IL1RAPL2: variants seen among roughly 807,000 people sequenced by gnomAD.
IL1RAPL2 encodes the protein X-linked interleukin-1 receptor accessory protein-like 2.
In IL1RAPL2, 3 loss-of-function variants were observed where a neutral mutation model predicts 44.1. That is an observed-to-expected ratio of 0.07 (90% CI 0.03 to 0.18). IL1RAPL2 has a LOEUF of 0.18. Among genes scored for constraint, IL1RAPL2 ranks in the 10% least tolerant of loss-of-function variants. The pLI is 1.00. For missense variants in IL1RAPL2, 391 were observed against 496.4 expected, an observed-to-expected ratio of 0.79 and a Z score of 2.02; for synonymous variants, 181 against 178.8, an observed-to-expected ratio of 1.01 and a Z score of -0.10.
intron 4 of IL1RAPL2, among the ~76,000 whole-genome samples, chrX:105,249,647 C>T (rs1357463071): frequency 9.1e-6 from 1 of 110,358 alleles, no homozygotes; most frequent in Non-Finnish European, 1.9e-5. Context: ...AATAAAATAC[C>T]ATTGAGGTAC....
intron 2 of IL1RAPL2, among the ~76,000 whole-genome samples, chrX:104,903,879 T>G (rs768847489): frequency 8.9e-6 from 1 of 111,811 alleles, no homozygotes; most frequent in Admixed American, 9.5e-5. Context: ...ACACCCAGCC[T>G]AATATTGTTA....
chrX:105,386,865 A>G (rs2035479963), intron 5 of IL1RAPL2, among the ~76,000 whole-genome samples: 1 of 111,619 alleles, frequency 9.0e-6, no homozygotes, highest in African/African-American at 3.3e-5. Flanking sequence ...CCATTATTCT[A>G]TTATAGAATC....
intron 2 of IL1RAPL2, among the ~76,000 whole-genome samples, chrX:105,053,036 G>A (rs757425880): frequency 9.1e-6 from 1 of 110,481 alleles, no homozygotes; most frequent in East Asian, 2.9e-4. Context: ...AGTTGGAAAT[G>A]CAGAAATCAC....
At chrX:104,950,715 G>GT (rs36104046) in intron 2 of IL1RAPL2, among the ~76,000 whole-genome samples, 37,048 of 98,930 alleles carry the variant, frequency 0.37, 5,672 homozygotes, top group Non-Finnish European at 0.45. Context: ...TTTTGTTTTT[G>GT]TTTTTTTTTT....
intron 2 of IL1RAPL2, among the ~76,000 whole-genome samples, chrX:104,662,188 T>C (rs1054193962): frequency 1.8e-5 from 2 of 112,062 alleles, no homozygotes; most frequent in Non-Finnish European, 3.8e-5. Flanking sequence ...AACCTGCTTT[T>C]GGGTGGTGTA....
intron 2 of IL1RAPL2, among the ~76,000 whole-genome samples, chrX:105,048,541 CA>C (rs1277730373): frequency 1.8e-5 from 2 of 111,345 alleles, no homozygotes; most frequent in African/African-American, 6.5e-5. Flanking sequence ...GGATATTGCA[CA>C]TTTTTTTTCA....
At chrX:105,279,565 C>T (rs962620663) in intron 5 of IL1RAPL2, among the ~76,000 whole-genome samples, 9 of 111,295 alleles carry the variant, frequency 8.1e-5, no homozygotes, top group Non-Finnish European at 1.3e-4. Flanking sequence ...CTGCAACCTC[C>T]GCCTCCTGGG....
intron 2 of IL1RAPL2, among the ~76,000 whole-genome samples, chrX:105,143,703 T>C (rs933278484): frequency 8.9e-6 from 1 of 111,987 alleles, no homozygotes; most frequent in African/African-American, 3.3e-5. Context: ...GCTTCCAGCA[T>C]ATGGGCCTTC....
At chrX:105,227,535 C>G (rs1455228182) in intron 3 of IL1RAPL2, among the ~76,000 whole-genome samples, 5 of 112,072 alleles carry the variant, frequency 4.5e-5, no homozygotes, top group African/African-American at 1.6e-4. Context: ...CAAACTTCTT[C>G]TTATTAGCAT....
intron 2 of IL1RAPL2, among the ~76,000 whole-genome samples, chrX:105,066,071 ACT>A (rs2032134038): frequency 9.0e-6 from 1 of 110,918 alleles, no homozygotes. Context: ...AGGTGTGATG[ACT>A]CTGAATGGGA....
intron 7 of IL1RAPL2, among the ~76,000 whole-genome samples, chrX:105,723,618 T>C (rs1386299144): frequency 9.0e-6 from 1 of 111,457 alleles, no homozygotes; most frequent in Non-Finnish European, 1.9e-5. Context: ...CTTAAATGGG[T>C]AATTTAAAAA....
chrX:105,761,178 CA>C (rs1206941648), intron 10 of IL1RAPL2, among the ~76,000 whole-genome samples: 356 of 35,322 alleles, frequency 0.01, 2 homozygotes, highest in African/African-American at 0.033. Flanking sequence ...GACTCCGTCT[CA>C]AAAAAAAAAA....
intron 5 of IL1RAPL2, among the ~76,000 whole-genome samples, chrX:105,467,701 C>T (rs182809614): frequency 1.1e-3 from 128 of 111,574 alleles, no homozygotes; most frequent in African/African-American, 3.6e-3. Context: ...GCCTATGGAG[C>T]TCTAGACATA....
chrX:104,616,380 G>T (rs1443619020), intron 1 of IL1RAPL2, among the ~76,000 whole-genome samples: 1 of 112,157 alleles, frequency 8.9e-6, no homozygotes, highest in Non-Finnish European at 1.9e-5. Flanking sequence ...AATTAACTTT[G>T]GGAGAAGCTT....
Position 105,023,891 on chromosome X carries a change from ATTAT to A in IL1RAPL2, c.83-171581_83-171578del, listed in dbSNP as rs984550609. 1.2e-4 allele frequency among the ~76,000 whole-genome samples: 13 copies of A among 111,150 alleles called. No homozygotes were observed. In the Admixed American group the frequency reaches 1.3e-3, roughly 11 times the overall value. On this transcript the variant is annotated intron_variant, in intron 2 of 10. Coordinates refer to ENST00000372582, the MANE Select transcript of IL1RAPL2 (RefSeq NM_017416.2). ...TACTTGTTTATTTCAAAAGGGTGGT[ATTAT>A]TTGAATTAATTCACTAGTTAAAATT...
In IL1RAPL2 at chrX:105,582,692, GT is replaced by G. The variant is rs923770035; in HGVS notation, c.772+98316del. 8.0e-4 allele frequency among the ~76,000 whole-genome samples: 81 copies of G among 101,546 alleles called. 3 individuals carry two copies. Among genetic ancestry groups the G allele is most frequent in the East Asian group, 3.7e-3 (12 of 3,233 alleles). 88.2% of individuals were successfully genotyped at this position (101,546 alleles called of 115,157 possible). ...GAAGTTTCCCAGTTTGCTGAGAGGT[GT>G]TTTTTTTTTTAAATCATTAGGGTAT... On this transcript the variant is annotated intron_variant, in intron 6 of 10. Coordinates refer to ENST00000372582, the MANE Select transcript of IL1RAPL2 (RefSeq NM_017416.2).
intron 7 of IL1RAPL2, among the ~76,000 whole-genome samples, chrX:105,720,821 A>T (rs2038296956): frequency 9.0e-6 from 1 of 110,700 alleles, no homozygotes; most frequent in African/African-American, 3.3e-5. Context: ...TTTTAGAATA[A>T]TTTTTGATTT....
intron 3 of IL1RAPL2, among the ~76,000 whole-genome samples, chrX:105,208,950 G>T (rs115837964): frequency 0.024 from 2,647 of 111,768 alleles, 77 homozygotes; most frequent in African/African-American, 0.081. Context: ...CATACTGATT[G>T]TTGACTTATT....
intron 3 of IL1RAPL2, chrX:105,220,539 C>T: frequency 1.8e-6 from 1 of 554,630 alleles, no homozygotes; most frequent in Non-Finnish European, 2.7e-6. Flanking sequence ...CAAGACCGTC[C>T]TAATGACCCC....
Sources: allele counts gnomAD v4.1 joint callset (sites outside exome capture counted in the v4.1 genomes callset), GRCh38; gene constraint gnomAD v4.1.1; transcripts MANE v1.5; gene names NCBI Gene and HGNC (gene_info 2026-07-23, HGNC 2026-07-21).